The following GUCY1A1 variants were observed in gnomAD, a reference collection of about 807,000 sequenced individuals.
GUCY1A1 encodes guanylate cyclase soluble subunit alpha-1.
Under a neutral mutation model 64.5 loss-of-function variants are expected in GUCY1A1, and 48 were observed. The observed-to-expected ratio is 0.74, with a 90% CI of 0.59 to 0.95. GUCY1A1 has a LOEUF of 0.95. Among genes scored for constraint, GUCY1A1 ranks in the 40% least tolerant of loss-of-function variants. The pLI is 0.00. For missense variants in GUCY1A1, 804 were observed against 825.3 expected, an observed-to-expected ratio of 0.97 and a Z score of 0.32; for synonymous variants, 308 against 303.4, an observed-to-expected ratio of 1.02 and a Z score of -0.16.
intron 2 of GUCY1A1, among the ~76,000 whole-genome samples, chr4:155,693,974 C>G (rs1730093628): frequency 6.6e-6 from 1 of 152,122 alleles, no homozygotes; most frequent in Admixed American, 6.5e-5. Context: ...TACTAAAATT[C>G]TAATATATAC....
At chr4:155,675,301 T>C (rs1455409137) in intron 2 of GUCY1A1, among the ~76,000 whole-genome samples, 2 of 151,588 alleles carry the variant, frequency 1.3e-5, no homozygotes, top group African/African-American at 4.9e-5. Flanking sequence ...TTAAATTGTG[T>C]ATTTGTGAGC....
intron 7 of GUCY1A1, among the ~76,000 whole-genome samples, chr4:155,715,430 C>T (rs191137610): frequency 6.6e-6 from 1 of 152,078 alleles, no homozygotes; most frequent in Non-Finnish European, 1.5e-5. Context: ...ATTGTTTCAG[C>T]GAATATGTAC....
At chr4:155,693,465 A>G (rs1730020064) in intron 2 of GUCY1A1, among the ~76,000 whole-genome samples, 1 of 152,092 alleles carries the variant, frequency 6.6e-6, no homozygotes, top group Admixed American at 6.5e-5. Flanking sequence ...TACCCATAAA[A>G]ATCATCACTA....
In GUCY1A1 at chr4:155,710,765, A is replaced by G. The variant is rs751687839; in HGVS notation, c.600A>G (p.Leu200=). Reference sequence around the variant, plus strand: ...GCCTGGATAAGGAGGATGATTTTCTACATGTTTACTACTTCTTCCCTAAGA... The same window carrying G: ...GCCTGGATAAGGAGGATGATTTTCTGCATGTTTACTACTTCTTCCCTAAGA... ...ILCLDKEDDF[L]HVYYFFPKRT... Residue 200 remains leucine (L), a synonymous_variant, in exon 6 of 10, where the codon CTA becomes CTG. Coordinates refer to ENST00000506455, the MANE Select transcript of GUCY1A1 (RefSeq NM_001130682.3). 9.9e-6 allele frequency: 16 copies of G among 1,613,860 alleles called. No individual in the cohort carries two copies. The highest frequency in any genetic ancestry group is 1.3e-5 in the Non-Finnish European group (15 of 1,179,884).
At chr4:155,720,289 C>A (rs1044123536) in intron 8 of GUCY1A1, among the ~76,000 whole-genome samples, 11 of 152,046 alleles carry the variant, frequency 7.2e-5, no homozygotes, top group African/African-American at 2.7e-4. Context: ...ATTCCTCAAT[C>A]TAAATATGCT....
At chr4:155,703,202 G>C (rs1253853928) in intron 3 of GUCY1A1, among the ~76,000 whole-genome samples, 2 of 151,922 alleles carry the variant, frequency 1.3e-5, no homozygotes, top group South Asian at 2.1e-4. Context: ...TGCAAAATAA[G>C]GAAACTCATG....
chr4:155,724,916 C>G lies in GUCY1A1; in HGVS notation c.1871+2724C>G, dbSNP rs116783477. Among the ~76,000 whole-genome samples the G allele has an allele frequency of 5.3e-3, 809 of 152,114 alleles. 5 individuals are homozygous for G. The highest frequency in any genetic ancestry group is 0.018 in the African/African-American group (760 of 41,512). ...GATTTCCCACACAGACTGATGAAAT[C>G]CACTTCCCACCCAGGCAAGCTTACC... On this transcript the variant is annotated intron_variant, in intron 9 of 9. Transcript: ENST00000506455.
intron 2 of GUCY1A1, among the ~76,000 whole-genome samples, chr4:155,687,533 T>C (rs1042762495): frequency 6.6e-6 from 1 of 152,222 alleles, no homozygotes. Flanking sequence ...AATGTCACAC[T>C]ACCACCGAGT....
rs1732846601 is a variant in GUCY1A1 at position 155,713,442 on chromosome 4, C to T, written c.1431C>T (p.Phe477=). The part of the protein sequence containing the change: ...WQGQVVQAKK[F]SNVTMLFSDI... ...GGCAAGTTGTGCAAGCCAAGAAGTT[C>T]AGTAATGTCACCATGCTCTTCTCAG... The change falls in exon 7 of 10, where the codon TTC becomes TTT. Residue 477 remains phenylalanine (F), a synonymous_variant. Transcript: ENST00000506455. 6.2e-7 allele frequency: 1 copy of T among 1,614,178 alleles called. No homozygotes were observed. The highest frequency in any genetic ancestry group is 1.1e-5 in the South Asian group (1 of 91,082).
chr4:155,718,919 C>A (rs1048983574), intron 8 of GUCY1A1, among the ~76,000 whole-genome samples: 3 of 152,134 alleles, frequency 2.0e-5, no homozygotes, highest in African/African-American at 7.2e-5. Context: ...CTGACTTTTT[C>A]AGATTTATTT....
At chr4:155,698,239 G>T (rs1234702438) in intron 3 of GUCY1A1, among the ~76,000 whole-genome samples, 1 of 151,974 alleles carries the variant, frequency 6.6e-6, no homozygotes, top group Admixed American at 6.6e-5. Flanking sequence ...TTTGAAAGAT[G>T]GATAAATTAG....
rs539851696 is a variant in GUCY1A1 at position 155,675,808 on chromosome 4, TCTC to T, written c.-113+8396_-113+8398del. ...GTCACTGCTTTTCTTCTCTTCTCTC[TCTC>T]CTCCTCTTTGAAGCTGTGAGAGTTT... On this transcript the variant is annotated intron_variant, in intron 2 of 9. Coordinates refer to ENST00000506455, the MANE Select transcript of GUCY1A1 (RefSeq NM_001130682.3). 2.9e-3 allele frequency among the ~76,000 whole-genome samples: 442 copies of T among 151,714 alleles called. 4 individuals are homozygous for T. Among genetic ancestry groups the T allele is most frequent in the Non-Finnish European group, 4.5e-3 (303 of 68,032 alleles).
intron 2 of GUCY1A1, among the ~76,000 whole-genome samples, chr4:155,687,703 G>A (rs1224677510): frequency 6.6e-6 from 1 of 152,136 alleles, no homozygotes; most frequent in Non-Finnish European, 1.5e-5. Context: ...GTGAAGTTCA[G>A]TTAAGAACTT....
At chr4:155,693,768 G>A (rs1389724563) in intron 2 of GUCY1A1, among the ~76,000 whole-genome samples, 1 of 152,072 alleles carries the variant, frequency 6.6e-6, no homozygotes, top group African/African-American at 2.4e-5. Flanking sequence ...TTATAGTACC[G>A]TGCAGTACAG....
At chr4:155,691,781 T>C (rs1447424499) in intron 2 of GUCY1A1, among the ~76,000 whole-genome samples, 1 of 152,180 alleles carries the variant, frequency 6.6e-6, no homozygotes, top group African/African-American at 2.4e-5. Flanking sequence ...TTCGATTTTT[T>C]TATTATTTAT....
At chr4:155,689,949 C>T (rs1042334783) in intron 2 of GUCY1A1, among the ~76,000 whole-genome samples, 3 of 152,128 alleles carry the variant, frequency 2.0e-5, no homozygotes, top group African/African-American at 7.2e-5. Flanking sequence ...AGACAGCTCA[C>T]ACTTACATGT....
chr4:155,711,007 T>C lies in GUCY1A1; in HGVS notation c.842T>C (p.Leu281Pro). ...PQSSLVIPTSLFCKTFPFHFM... is the reference protein window; with the variant it reads ...PQSSLVIPTSPFCKTFPFHFM... ...TCCTCGCTGGTGATTCCCACATCGC[T>C]ATTCTGCAAGACATTTCCATTCCAT... The change falls in exon 6 of 10, where the codon CTA becomes CCA. Residue 281 changes from leucine to proline, a missense_variant. Physicochemically the swap from Leu to Pro is moderately conservative, Grantham distance 98. Coordinates refer to ENST00000506455, the MANE Select transcript of GUCY1A1 (RefSeq NM_001130682.3). The C allele has an allele frequency of 6.2e-7, 1 of 1,614,024 alleles. No individual in the cohort carries two copies. The highest frequency in any genetic ancestry group is 8.5e-7 in the Non-Finnish European group (1 of 1,179,880).
At position 155,697,034 on chromosome 4, in the gene GUCY1A1, A is replaced by C; in HGVS notation, c.167A>C (p.Gln56Pro). The C allele has an allele frequency of 6.2e-7, 1 of 1,613,294 alleles. No individual in the cohort carries two copies. The highest frequency in any genetic ancestry group is 8.5e-7 in the Non-Finnish European group (1 of 1,179,260). Reference sequence around the variant, plus strand: ...CAAGACATTCCTGAGAAGAACATACAAGAAAGTCTTCCTCAAAGAAAAACC... The same window carrying C: ...CAAGACATTCCTGAGAAGAACATACCAGAAAGTCTTCCTCAAAGAAAAACC... Reference protein sequence around the residue: ...ICQDIPEKNIQESLPQRKTSR... With the variant: ...ICQDIPEKNIPESLPQRKTSR... The change falls in exon 3 of 10, where the codon CAA (glutamine) becomes CCA (proline). Residue 56 changes from glutamine to proline, a missense_variant. By Grantham distance (76) the Gln-to-Pro change is moderately conservative. Transcript: ENST00000506455.
intron 9 of GUCY1A1, among the ~76,000 whole-genome samples, chr4:155,723,322 G>T (rs989384005): frequency 3.9e-5 from 6 of 152,098 alleles, no homozygotes; most frequent in African/African-American, 9.7e-5. Flanking sequence ...GGTCAGAGGA[G>T]CCACGTGTCA....
Sources: gnomAD v4.1 joint callset for allele counts (sites outside exome capture counted in the v4.1 genomes callset) on GRCh38, gnomAD v4.1.1 for gene constraint, MANE v1.5 for transcripts, NCBI Gene and HGNC (gene_info 2026-07-23, HGNC 2026-07-21) for gene names.